Variants in PAAF1 observed in about 807,000 individuals in gnomAD.
PAAF1 encodes proteasomal ATPase-associated factor 1.
Under a neutral mutation model 52.8 loss-of-function variants are expected in PAAF1, and 46 were observed. The ratio of observed to expected loss-of-function variants is 0.87; its 90% CI spans 0.69 to 1.11. The LOEUF (loss-of-function observed/expected upper bound fraction) is 1.11. Ranked by LOEUF, PAAF1 falls within the 50% of genes most tolerant of loss-of-function variation. The pLI, the probability that PAAF1 is intolerant of heterozygous loss-of-function variation, is 0.00. For synonymous variants in PAAF1, 178 were observed against 172.8 expected (o/e 1.03, Z -0.24); for missense variants, 424 against 477.4 (o/e 0.89, Z 1.04).
rs1950442405 is a variant in PAAF1, at chr11:73,930,509, G to T, written c.*3147G>T. On this transcript the variant is annotated 3_prime_UTR_variant, in exon 12 of 12. Coordinates refer to ENST00000310571, the MANE Select transcript of PAAF1 (RefSeq NM_025155.3). ...CGCCTGTAATCCCAGCACTTTGGGA[G>T]GCTGGGGTGGGTGGATCGCTGGAGC... The T allele has an allele frequency of 1.3e-5, 2 of 152,248 alleles. No individual in the cohort carries two copies. Among genetic ancestry groups the T allele is most frequent in the Non-Finnish European group, 2.9e-5 (2 of 68,086 alleles). The allele number at this position is 152,248 out of a possible 1,614,324, so 9.4% of individuals were successfully genotyped here.
intron 3 of PAAF1, among the ~76,000 whole-genome samples, chr11:73,888,205 A>G (rs1376737629): frequency 2.0e-5 from 3 of 152,172 alleles, no homozygotes; most frequent in Non-Finnish European, 4.4e-5. Flanking sequence ...AGCTTATCTC[A>G]GCTCAGACTC....
chr11:73,915,775 C>A (rs543516189), intron 8 of PAAF1, among the ~76,000 whole-genome samples: 1 of 152,216 alleles, frequency 6.6e-6, no homozygotes, highest in Non-Finnish European at 1.5e-5. Context: ...CTCCTGTGAT[C>A]GTCATCCAGA....
At chr11:73,908,887 C>A (rs371004920) in intron 6 of PAAF1, among the ~76,000 whole-genome samples, 2 of 152,032 alleles carry the variant, frequency 1.3e-5, no homozygotes, top group East Asian at 3.9e-4. Context: ...CTCCCAGGTT[C>A]GAGCGATTCT....
chr11:73,881,043 CATTTT>C (rs1228247710), intron 2 of PAAF1, among the ~76,000 whole-genome samples: 3 of 152,084 alleles, frequency 2.0e-5, no homozygotes, highest in Non-Finnish European at 2.9e-5. Flanking sequence ...AAAAGACCTA[CATTTT>C]ATTTTAACTA....
At chr11:73,925,689 A>G (rs1377872007) in intron 11 of PAAF1, among the ~76,000 whole-genome samples, 1 of 152,190 alleles carries the variant, frequency 6.6e-6, no homozygotes, top group Non-Finnish European at 1.5e-5. Flanking sequence ...TTTATTGACC[A>G]GACACTGTGC....
At chr11:73,900,163 GGGTTTAGCATGTA>G in intron 5 of PAAF1, 94 bp from the exon 6 acceptor site, 1 of 1,209,724 alleles carries the variant, frequency 8.3e-7, no homozygotes, top group Non-Finnish European at 1.1e-6. Flanking sequence ...CCCAGCATGT[GGGTTTAGCATGTA>G]GGTATTTCAT....
In PAAF1 at chr11:73,911,146, CA is replaced by C. The variant is rs1319237188; in HGVS notation, c.727+1554del. 2.6e-5 allele frequency among the ~76,000 whole-genome samples: 4 copies of C among 152,076 alleles called. 1 individual carries two copies. Among genetic ancestry groups the C allele is most frequent in the African/African-American group, 9.7e-5 (4 of 41,398 alleles). On this transcript the variant is annotated intron_variant, in intron 7 of 11. Coordinates refer to ENST00000310571, the MANE Select transcript of PAAF1 (RefSeq NM_025155.3). ...TGACACATTATTGTCACCCAAAGTTCAGAGTTTACATTAGGGCTTACTCTTG... is the reference window on the plus strand; with the variant it reads ...TGACACATTATTGTCACCCAAAGTTCGAGTTTACATTAGGGCTTACTCTTG...
intron 3 of PAAF1, chr11:73,889,079 A>T (rs1471312377): frequency 1.2e-6 from 1 of 832,832 alleles, no homozygotes; most frequent in Non-Finnish European, 1.9e-6. Context: ...AGTTCTGTTG[A>T]TTCCAAGTTT....
chr11:73,914,045 A>C (rs1277005200), intron 7 of PAAF1, among the ~76,000 whole-genome samples: 1 of 152,148 alleles, frequency 6.6e-6, no homozygotes, highest in African/African-American at 2.4e-5. Flanking sequence ...TGGACAACAT[A>C]CTAGACTCTG....
At chr11:73,917,892 C>T (rs903842268) in intron 9 of PAAF1, among the ~76,000 whole-genome samples, 16 of 149,552 alleles carry the variant, frequency 1.1e-4, no homozygotes, top group African/African-American at 3.4e-4. Flanking sequence ...AAAAAAGATA[C>T]AGACTCTGCC....
In PAAF1 at chr11:73,891,093, T is replaced by C. The variant is rs1490587992; in HGVS notation, c.193-19T>C. The C allele has an allele frequency of 6.8e-7, 1 of 1,468,082 alleles. No individual in the cohort carries two copies. The highest frequency in any genetic ancestry group is 9.5e-7 in the Non-Finnish European group (1 of 1,053,220). 90.9% of individuals were successfully genotyped at this position (1,468,082 alleles called of 1,614,324 possible). Reference sequence around the variant, plus strand: ...GGAGGAGTTTTACTGATGAATCTCATCTTTTCCTCTTTGTTTAGAAAAGCA... The same window carrying C: ...GGAGGAGTTTTACTGATGAATCTCACCTTTTCCTCTTTGTTTAGAAAAGCA... On this transcript the variant is annotated intron_variant, in intron 3 of 11. Coordinates refer to ENST00000310571, the MANE Select transcript of PAAF1 (RefSeq NM_025155.3).
intron 5 of PAAF1, among the ~76,000 whole-genome samples, 183 bp from the exon 6 acceptor site, chr11:73,900,087 C>T (rs1300089533): frequency 2.6e-5 from 4 of 151,660 alleles, no homozygotes; most frequent in African/African-American, 9.7e-5. Flanking sequence ...CGAGGAAACA[C>T]CTTTTAGAAC....
intron 2 of PAAF1, among the ~76,000 whole-genome samples, chr11:73,883,635 G>C (rs1449320664): frequency 1.3e-5 from 2 of 151,984 alleles, no homozygotes; most frequent in Non-Finnish European, 2.9e-5. Context: ...TTGTGCCTCA[G>C]CCTCCTGAGT....
intron 9 of PAAF1, 118 bp downstream of exon 9, chr11:73,916,778 A>G (rs1950076280): frequency 3.4e-6 from 2 of 587,348 alleles, no homozygotes. Context: ...ATATTTTTCC[A>G]TTTACAAAGG....
intron 6 of PAAF1, among the ~76,000 whole-genome samples, chr11:73,907,300 G>A (rs1366772292): frequency 6.6e-6 from 1 of 152,028 alleles, no homozygotes. Context: ...TGGTATGAGG[G>A]CTGGGTAGAT....
At chr11:73,877,403 GTC>G (rs982838991) in intron 1 of PAAF1, 2 of 203,378 alleles carry the variant, frequency 9.8e-6, no homozygotes, top group African/African-American at 4.6e-5. Context: ...ACTTCCAGAA[GTC>G]TCTGTACTCA....
chr11:73,878,804 A>G lies in PAAF1; in HGVS notation c.73A>G (p.Ser25Gly), dbSNP rs780141111. 1.7e-5 allele frequency: 28 copies of G among 1,613,752 alleles called. No individual in the cohort carries two copies. The highest frequency in any genetic ancestry group is 2.2e-5 in the Non-Finnish European group (26 of 1,179,862). The change falls in exon 2 of 12, where the codon AGC becomes GGC. Residue 25 changes from serine to glycine, a missense_variant. Coordinates refer to ENST00000310571, the MANE Select transcript of PAAF1 (RefSeq NM_025155.3). ...LRKDEGEAWL[S>G]CHPPGKPSLY... ...GAAGGATGAAGGGGAGGCCTGGCTG[A>G]GCTGTCATCCCCCAGGTAATACCCA...
intron 4 of PAAF1, among the ~76,000 whole-genome samples, chr11:73,894,668 A>T (rs1949296899): frequency 6.6e-6 from 1 of 152,114 alleles, no homozygotes; most frequent in Non-Finnish European, 1.5e-5. Context: ...TAAAAATAAA[A>T]AAAAAATCAG....
intron 2 of PAAF1, among the ~76,000 whole-genome samples, chr11:73,882,224 C>CAGG (rs532007200): frequency 1.1e-3 from 161 of 151,354 alleles, no homozygotes; most frequent in African/African-American, 3.5e-3. Flanking sequence ...CTGTGTTAGT[C>CAGG]AGGATGGTCT....
Sources: gnomAD v4.1 joint callset for allele counts (sites outside exome capture counted in the v4.1 genomes callset) on GRCh38, gnomAD v4.1.1 for gene constraint, MANE v1.5 for transcripts, NCBI Gene and HGNC (gene_info 2026-07-23, HGNC 2026-07-21) for gene names.